Variants in SATB2 observed in about 807,000 individuals in gnomAD.
SATB2 encodes the protein SATB homeobox 2.
In SATB2, 1 loss-of-function variant was observed where a neutral mutation model predicts 73.4. The observed-to-expected ratio is 0.01, with a 90% confidence interval of 0.00 to 0.06. The LOEUF is 0.06. SATB2 is among the 10% of genes least tolerant of loss of function. The probability of loss-of-function intolerance (pLI) is 1.00; values close to 1 mark genes in which losing one functional copy is unlikely to be tolerated. For synonymous variants in SATB2, 397 were observed against 367.0 expected, an observed-to-expected ratio of 1.08 and a Z score of -0.93; for missense variants, 459 against 945.8, an observed-to-expected ratio of 0.49 and a Z score of 6.75.
At chr2:199,342,419 G>C (rs991068857) in intron 7 of SATB2, among the ~76,000 whole-genome samples, 2 of 137,006 alleles carry the variant, frequency 1.5e-5, no homozygotes, top group Non-Finnish European at 1.6e-5. Context: ...TCTTTCAAAA[G>C]ACTAGCTAAA....
At chr2:199,358,262 C>G (rs965916972) in intron 6 of SATB2, among the ~76,000 whole-genome samples, 2 of 151,974 alleles carry the variant, frequency 1.3e-5, no homozygotes, top group African/African-American at 4.8e-5. Context: ...CTCTCCTAGT[C>G]AATAACTGGA....
At chr2:199,389,433 T>C (rs1690060323) in intron 3 of SATB2, among the ~76,000 whole-genome samples, 1 of 151,574 alleles carries the variant, frequency 6.6e-6, no homozygotes, top group Non-Finnish European at 1.5e-5. Flanking sequence ...TTACACAAAT[T>C]AATGAAACCT....
intron 6 of SATB2, among the ~76,000 whole-genome samples, chr2:199,351,112 A>G (rs990816218): frequency 1.3e-5 from 2 of 150,240 alleles, no homozygotes; most frequent in African/African-American, 4.9e-5. Context: ...TTTACTTCCA[A>G]CTTCTTTTAG....
intron 3 of SATB2, among the ~76,000 whole-genome samples, chr2:199,397,176 G>A (rs1184582749): frequency 6.6e-6 from 1 of 152,050 alleles, no homozygotes; most frequent in Non-Finnish European, 1.5e-5. Flanking sequence ...GTTTTGTGAA[G>A]ATACGCTACA....
chr2:199,407,560 CAAT>C, intron 3 of SATB2, among the ~76,000 whole-genome samples: 1 of 152,082 alleles, frequency 6.6e-6, no homozygotes, highest in Non-Finnish European at 1.5e-5. Context: ...GTCAGGAACT[CAAT>C]GATGATCTAG....
intron 3 of SATB2, among the ~76,000 whole-genome samples, chr2:199,410,353 T>C (rs1690775173): frequency 6.6e-6 from 1 of 152,216 alleles, no homozygotes; most frequent in Non-Finnish European, 1.5e-5. Flanking sequence ...TGTGGCCACA[T>C]TGTAAAATGA....
At chr2:199,402,742 T>C (rs1690520322) in intron 3 of SATB2, among the ~76,000 whole-genome samples, 1 of 152,230 alleles carries the variant, frequency 6.6e-6, no homozygotes, top group Non-Finnish European at 1.5e-5. Context: ...ACATTATACA[T>C]TACTTACATT....
At chr2:199,297,477 C>T (rs1687144483) in intron 10 of SATB2, among the ~76,000 whole-genome samples, 1 of 152,132 alleles carries the variant, frequency 6.6e-6, no homozygotes. Context: ...GAAGGGAGTC[C>T]TGGGATCACA....
intron 9 of SATB2, among the ~76,000 whole-genome samples, chr2:199,310,787 C>A (rs1401799129): frequency 1.3e-5 from 2 of 152,154 alleles, no homozygotes; most frequent in East Asian, 1.9e-4. Context: ...ATCTGAGATA[C>A]CCAGACCTTA....
intron 9 of SATB2, among the ~76,000 whole-genome samples, chr2:199,315,530 G>A (rs1413088766): frequency 6.6e-6 from 1 of 151,968 alleles, no homozygotes; most frequent in East Asian, 1.9e-4. Flanking sequence ...TCCTGTCCAT[G>A]GTACTGAAAT....
intron 1 of SATB2, among the ~76,000 whole-genome samples, chr2:199,456,644 A>G (rs1325507543): frequency 1.3e-5 from 2 of 152,186 alleles, no homozygotes; most frequent in Non-Finnish European, 2.9e-5. Flanking sequence ...TCCTGAGATA[A>G]GCACACACCT....
intron 3 of SATB2, among the ~76,000 whole-genome samples, chr2:199,432,138 C>T (rs552794811): frequency 3.3e-5 from 5 of 152,314 alleles, no homozygotes; most frequent in African/African-American, 1.2e-4. Flanking sequence ...GCCTGGCCAG[C>T]GCTCAGATTC....
chr2:199,432,512 A>G (rs1490197807), intron 3 of SATB2, among the ~76,000 whole-genome samples: 1 of 152,248 alleles, frequency 6.6e-6, no homozygotes, highest in East Asian at 1.9e-4. Flanking sequence ...GGACACTAAC[A>G]TATAAACTAA....
intron 10 of SATB2, among the ~76,000 whole-genome samples, chr2:199,281,694 A>G (rs1692502914): frequency 1.3e-5 from 2 of 152,148 alleles, no homozygotes; most frequent in African/African-American, 2.4e-5. Flanking sequence ...CATTAAGGAC[A>G]ATTAATTTTG....
intron 3 of SATB2, among the ~76,000 whole-genome samples, chr2:199,386,036 C>T (rs989113498): frequency 6.6e-6 from 1 of 152,122 alleles, no homozygotes; most frequent in Non-Finnish European, 1.5e-5. Flanking sequence ...GACAATAGAT[C>T]CTTGTAAGTT....
rs1343788591 is a variant in SATB2, at chr2:199,464,938, A to T, written c.-243T>A. ...CTGCTCACCTCCAGGAGCCGACAGA[A>T]GGTGCCTTCGGCGTCACGCGTCCAA... On this transcript the variant is annotated 5_prime_UTR_variant, in exon 1 of 12. Coordinates refer to the SATB2 transcript ENST00000260926. This position sits in a 1 kb window ranked among gnomAD's most constrained non-coding sequence, Gnocchi z 6.6. The T allele has an allele frequency of 6.6e-6, 1 of 152,272 alleles. No individual in the cohort carries two copies. Among genetic ancestry groups the T allele is most frequent in the African/African-American group, 2.4e-5 (1 of 41,468 alleles). The allele number at this position is 152,272 out of a possible 1,614,324, so 9.4% of individuals were successfully genotyped here. A position where few individuals can be genotyped will look rare whatever the true frequency, so the allele number is the denominator to read the frequency against.
At chr2:199,357,503 A>C (rs977312731) in intron 6 of SATB2, among the ~76,000 whole-genome samples, 1 of 151,762 alleles carries the variant, frequency 6.6e-6, no homozygotes, top group Non-Finnish European at 1.5e-5. Flanking sequence ...ACTTTAAAAA[A>C]CTCCATCAAT....
intron 5 of SATB2, 54 bp from the exon 6 acceptor site, chr2:199,368,761 G>T: frequency 1.9e-6 from 2 of 1,050,448 alleles, no homozygotes; most frequent in Non-Finnish European, 1.5e-6. Context: ...TCTTTTTAGG[G>T]ACAAGAAAGA....
intron 8 of SATB2, among the ~76,000 whole-genome samples, chr2:199,324,955 C>G (rs1687989933): frequency 6.6e-6 from 1 of 152,178 alleles, no homozygotes; most frequent in Non-Finnish European, 1.5e-5. Flanking sequence ...ATCTCCAAAT[C>G]ACAAGTTTCC....
Sources: allele counts gnomAD v4.1 joint callset (sites outside exome capture counted in the v4.1 genomes callset), GRCh38; gene constraint gnomAD v4.1.1; non-coding constraint Gnocchi (gnomAD v3.1); transcripts MANE v1.5; gene names NCBI Gene and HGNC (gene_info 2026-07-23, HGNC 2026-07-21).